Variants in TPRG1 observed in about 807,000 individuals in gnomAD.
The protein encoded by TPRG1 is tumor protein p63-regulated gene 1 protein.
Under a neutral mutation model 29.3 loss-of-function variants are expected in TPRG1, and 29 were observed. That is an observed-to-expected ratio of 0.99 (90% CI 0.74 to 1.35). TPRG1 has a LOEUF of 1.35. Ranked by LOEUF, TPRG1 falls within the 40% of genes most tolerant of loss-of-function variation. The probability of loss-of-function intolerance (pLI) is 0.00; values close to 1 mark genes in which losing one functional copy is unlikely to be tolerated. For missense variants in TPRG1, 327 were observed against 335.0 expected, an observed-to-expected ratio of 0.98 and a Z score of 0.19; for synonymous variants, 130 against 116.8, an observed-to-expected ratio of 1.11 and a Z score of -0.73.
chr3:189,128,255 A>G (rs1722713343), intron 2 of TPRG1, among the ~76,000 whole-genome samples: 1 of 152,216 alleles, frequency 6.6e-6, no homozygotes, highest in African/African-American at 2.4e-5. Context: ...ATGGGCCGCC[A>G]TGGCCCTTGC....
chr3:189,313,967 T>C (rs1723093067), intron 5 of TPRG1, among the ~76,000 whole-genome samples: 1 of 152,068 alleles, frequency 6.6e-6, no homozygotes. Context: ...ATAATAGATA[T>C]AAGAGCCTAA....
chr3:189,166,947 T>C (rs1392008822), intron 5 of TPRG1, among the ~76,000 whole-genome samples: 1 of 152,160 alleles, frequency 6.6e-6, no homozygotes, highest in Admixed American at 6.5e-5. Flanking sequence ...AGTAACTTCT[T>C]CCCCTGTGGA....
intron 4 of TPRG1, among the ~76,000 whole-genome samples, chr3:189,045,516 C>T (rs144191467): frequency 1.1e-4 from 16 of 152,268 alleles, no homozygotes; most frequent in African/African-American, 1.7e-4. Flanking sequence ...AGCAGTTAAT[C>T]GGAACAGGTT....
chr3:189,309,223 G>A (rs534528308), intron 4 of TPRG1, among the ~76,000 whole-genome samples: 2 of 152,058 alleles, frequency 1.3e-5, no homozygotes, highest in East Asian at 3.9e-4. Flanking sequence ...AAAAGTTCAG[G>A]TATTAACCAG....
At position 189,046,759 on chromosome 3, in the gene TPRG1, G is replaced by C. The variant is rs574417546; in HGVS notation, c.-463+22813G>C. ...AAAAGTTTTAAGATTAAAGATATTT[G>C]CATTATACTTTTCCTATAGTGGAAG... On this transcript the variant is annotated intron_variant, in intron 4 of 10. Coordinates refer to the TPRG1 transcript ENST00000433971. Among the ~76,000 whole-genome samples the C allele has an allele frequency of 3.4e-4, 51 of 152,146 alleles. 1 individual carries two copies. In the South Asian group the frequency reaches 7.9e-3, roughly 23 times the overall value.
intron 5 of TPRG1, among the ~76,000 whole-genome samples, chr3:189,153,107 G>A (rs559730516): frequency 9.8e-5 from 15 of 152,350 alleles, no homozygotes; most frequent in East Asian, 3.9e-4. Context: ...AGTGTACAAC[G>A]TAAGTGGAGT....
intron 1 of TPRG1, among the ~76,000 whole-genome samples, chr3:189,125,984 C>A (rs573170616): frequency 6.6e-6 from 1 of 152,056 alleles, no homozygotes; most frequent in Non-Finnish European, 1.5e-5. Flanking sequence ...ATCAGATTAA[C>A]TTTTCTGACA....
Position 189,076,005 on chromosome 3 carries a change from A to G in TPRG1, c.-462-51052A>G, listed in dbSNP as rs552309264. Among the ~76,000 whole-genome samples, 15 of 152,250 alleles carry G rather than the reference A, an allele frequency of 9.9e-5. No homozygotes were observed. The South Asian group carries it at 3.1e-3, about 32-fold the overall frequency. ...TTTTTCTCTTTATGAATATAACAAC[A>G]TATTTATTTTCTTCAACCCCAATTT... On this transcript the variant is annotated intron_variant, in intron 4 of 10. Coordinates refer to the TPRG1 transcript ENST00000433971.
chr3:189,048,696 T>G (rs1715118962), intron 4 of TPRG1, among the ~76,000 whole-genome samples: 1 of 152,142 alleles, frequency 6.6e-6, no homozygotes, highest in Non-Finnish European at 1.5e-5. Flanking sequence ...AGGCTTGCAC[T>G]GTGAATTTTA....
At chr3:189,154,270 C>T (rs763364103) in intron 5 of TPRG1, among the ~76,000 whole-genome samples, 4 of 152,118 alleles carry the variant, frequency 2.6e-5, no homozygotes, top group Non-Finnish European at 5.9e-5. Flanking sequence ...CCTTATTTTA[C>T]GATTATAAAA....
Position 189,310,552 on chromosome 3 carries a change from T to G in TPRG1, c.633+13T>G. ...TGAAATTTGCAAGGTAGGAGGCATC[T>G]TGGGTATTACTCTCAGATTAGCTTT... On this transcript the variant is annotated intron_variant, in intron 5 of 5. Transcript: ENST00000345063. The G allele has an allele frequency of 6.2e-7, 1 of 1,602,456 alleles. No homozygotes were observed. The highest frequency in any genetic ancestry group is 1.3e-5 in the African/African-American group (1 of 74,814).
intron 3 of TPRG1, among the ~76,000 whole-genome samples, chr3:189,137,736 C>G (rs1462656817): frequency 1.3e-5 from 2 of 152,148 alleles, no homozygotes; most frequent in African/African-American, 4.8e-5. Flanking sequence ...ACACTTTATG[C>G]CTGCTTCTCT....
At chr3:189,073,547 T>C (rs1051716133) in intron 4 of TPRG1, among the ~76,000 whole-genome samples, 12 of 152,344 alleles carry the variant, frequency 7.9e-5, no homozygotes, top group African/African-American at 1.9e-4. Flanking sequence ...AACACTCTTA[T>C]GTTCATTTTT....
chr3:189,266,597 T>A lies in TPRG1; in HGVS notation c.479+27688T>A, dbSNP rs566518814. ...GTGATCAAGAAAGCACATGTGAAAA[T>A]GCTCATAGGAACAAGATGGTATCTC... On this transcript the variant is annotated intron_variant, in intron 4 of 5. Coordinates refer to ENST00000345063, the MANE Select transcript of TPRG1 (RefSeq NM_198485.4). 2.0e-5 allele frequency among the ~76,000 whole-genome samples: 3 copies of A among 152,176 alleles called. No individual in the cohort carries two copies. In the South Asian group the frequency reaches 6.2e-4, roughly 32 times the overall value.
At chr3:189,057,201 G>A (rs1037462599) in intron 4 of TPRG1, among the ~76,000 whole-genome samples, 8 of 152,152 alleles carry the variant, frequency 5.3e-5, no homozygotes, top group Admixed American at 5.2e-4. Context: ...ATACACAGTG[G>A]CATTTGAGGC....
intron 3 of TPRG1, among the ~76,000 whole-genome samples, chr3:189,236,217 T>C (rs1739434757): frequency 6.6e-6 from 1 of 152,236 alleles, no homozygotes; most frequent in Non-Finnish European, 1.5e-5. Flanking sequence ...GAGCACTCTG[T>C]ATTCCTAAAA....
chr3:189,225,134 T>G (rs1737533262), intron 3 of TPRG1, among the ~76,000 whole-genome samples: 1 of 152,134 alleles, frequency 6.6e-6, no homozygotes, highest in South Asian at 2.1e-4. Context: ...GGTTTCACTC[T>G]GTTAGCCAGG....
chr3:189,110,586 T>C (rs1273792095), intron 1 of TPRG1, among the ~76,000 whole-genome samples: 1 of 152,142 alleles, frequency 6.6e-6, no homozygotes. Context: ...AGACTTTTGA[T>C]GTCCTATCTA....
At chr3:189,285,698 G>T (rs535164780) in intron 4 of TPRG1, among the ~76,000 whole-genome samples, 5 of 152,268 alleles carry the variant, frequency 3.3e-5, no homozygotes, top group African/African-American at 9.6e-5. Context: ...AAGGTGGGTA[G>T]TAACTCTGTT....
Sources: allele counts gnomAD v4.1 joint callset (sites outside exome capture counted in the v4.1 genomes callset), GRCh38; gene constraint gnomAD v4.1.1; transcripts MANE v1.5; gene names NCBI Gene and HGNC (gene_info 2026-07-23, HGNC 2026-07-21).